The following G2E3 variants were observed in gnomAD, a reference collection of about 807,000 sequenced individuals.
The protein encoded by G2E3 is G2/M phase-specific E3 ubiquitin-protein ligase.
G2E3 carries 35 observed loss-of-function variants against 92.8 expected under a neutral mutation model. The observed-to-expected ratio is 0.38, with a 90% confidence interval of 0.29 to 0.50. The LOEUF (loss-of-function observed/expected upper bound fraction) is 0.50, where lower values mean the gene tolerates loss of function less well. Among genes scored for constraint, G2E3 ranks in the 20% least tolerant of loss-of-function variants. The pLI is 0.94. For missense variants in G2E3, 554 were observed against 823.8 expected, an observed-to-expected ratio of 0.67 and a Z score of 4.01; for synonymous variants, 242 against 272.4, an observed-to-expected ratio of 0.89 and a Z score of 1.10.
In G2E3 at chr14:30,601,866, G is replaced by A. The variant is rs1244350126; in HGVS notation, c.849G>A (p.Leu283=). The change falls in exon 9 of 15, where the codon TTG becomes TTA. Residue 283 remains leucine (L), a synonymous_variant. Coordinates refer to ENST00000206595, the MANE Select transcript of G2E3 (RefSeq NM_017769.5). ...LRSWEQNWEC[L]ECRGIIYNSG... is the part of the protein sequence containing the mutation. ...CATGGGAGCAAAATTGGGAGTGTTT[G>A]GAATGTAGGGGTATTATCTACAATT... 3 of 1,613,524 alleles carry A rather than the reference G, an allele frequency of 1.9e-6. No individual in the cohort carries two copies. The highest frequency in any genetic ancestry group is 1.7e-6 in the Non-Finnish European group (2 of 1,179,560).
At chr14:30,574,656 AC>A (rs2138796167) in intron 1 of G2E3, 1 of 152,256 alleles carries the variant, frequency 6.6e-6, no homozygotes, top group African/African-American at 2.4e-5. Flanking sequence ...GCTCCCACTT[AC>A]AAGTGAGAAC....
rs147778881 is a variant in G2E3, at chr14:30,585,049, T to C, written c.38-1669T>C. On this transcript the variant is annotated intron_variant, in intron 2 of 14. Coordinates refer to ENST00000206595, the MANE Select transcript of G2E3 (RefSeq NM_017769.5). ...TGGGGTTTCACCATGTTGGGCAGGC[T>C]GGTCTCGAACTCCTGACCTTGTGAT... 3.6e-3 allele frequency among the ~76,000 whole-genome samples: 554 copies of C among 152,272 alleles called. 5 individuals are homozygous for C. The highest frequency in any genetic ancestry group is 0.013 in the African/African-American group (521 of 41,556).
chr14:30,595,635 T>G (rs1160326815), intron 6 of G2E3, among the ~76,000 whole-genome samples: 1 of 152,200 alleles, frequency 6.6e-6, no homozygotes, highest in Non-Finnish European at 1.5e-5. Context: ...GCAATTATTA[T>G]TATACTCGAT....
Position 30,589,434 on chromosome 14 carries a change from G to A in G2E3, c.187G>A (p.Gly63Ser). The change falls in exon 4 of 15, where the codon GGT becomes AGT. Residue 63 changes from glycine (G) to serine (S), a missense_variant. By Grantham distance (56) the Gly-to-Ser change is moderately conservative. Around this residue, in one of 3 missense-constraint regions of G2E3, gnomAD observed 137 missense variants for 201.3 expected, o/e 0.68. Coordinates refer to ENST00000206595, the MANE Select transcript of G2E3 (RefSeq NM_017769.5). ...QRGKEEEGVY[G>S]FLIEDIRKEV... is the part of the protein sequence containing the mutation. The stretch of plus-strand genomic sequence containing the variant: ...AGGCAAAGAAGAAGAAGGAGTTTAT[G>A]GTTTTCTAATAGAAGATATCAGGAA... The A allele has an allele frequency of 6.2e-7, 1 of 1,604,980 alleles. No individual in the cohort carries two copies. Among genetic ancestry groups the A allele is most frequent in the Non-Finnish European group, 8.5e-7 (1 of 1,172,504 alleles).
chr14:30,591,616 C>G (rs1023059828), intron 4 of G2E3, among the ~76,000 whole-genome samples: 1 of 152,174 alleles, frequency 6.6e-6, no homozygotes, highest in Non-Finnish European at 1.5e-5. Flanking sequence ...GGCAGCATAA[C>G]TCCAATCTGT....
intron 8 of G2E3, among the ~76,000 whole-genome samples, chr14:30,599,576 G>A (rs1197731003): frequency 1.3e-5 from 2 of 152,064 alleles, no homozygotes; most frequent in South Asian, 4.1e-4. Context: ...ACCTTCTGAT[G>A]TACTAGGACT....
At chr14:30,608,812 T>C (rs1881953545) in intron 12 of G2E3, among the ~76,000 whole-genome samples, 1 of 152,244 alleles carries the variant, frequency 6.6e-6, no homozygotes, top group Non-Finnish European at 1.5e-5. Context: ...CAGTGTTGTT[T>C]AATGATTAAA....
At chr14:30,586,661 G>A in intron 2 of G2E3, 57 bp from the exon 3 acceptor site, 1 of 593,896 alleles carries the variant, frequency 1.7e-6, no homozygotes, top group Non-Finnish European at 2.9e-6. Context: ...CAATTCCATA[G>A]GGTTTTTTTG....
Position 30,604,782 on chromosome 14 carries a change from T to G in G2E3, c.1011-723T>G, listed in dbSNP as rs1881746386. Among the ~76,000 whole-genome samples the G allele has an allele frequency of 2.0e-5, 3 of 152,216 alleles. No homozygotes were observed. The South Asian group carries it at 6.2e-4, about 31-fold the overall frequency. ...AGTAAGGAGAGATTACATTTGCTTTTTTTAAAAAAGGACATAGTAAATGTG... is the reference window on the plus strand; with the variant it reads ...AGTAAGGAGAGATTACATTTGCTTTGTTTAAAAAAGGACATAGTAAATGTG... On this transcript the variant is annotated intron_variant, in intron 10 of 14. Coordinates refer to ENST00000206595, the MANE Select transcript of G2E3 (RefSeq NM_017769.5).
intron 1 of G2E3, among the ~76,000 whole-genome samples, chr14:30,575,517 C>T (rs1880028246): frequency 6.6e-6 from 1 of 152,062 alleles, no homozygotes; most frequent in East Asian, 1.9e-4. Context: ...GAGTCCTAGC[C>T]AGAGCAGTCA....
At chr14:30,567,645 C>G (rs995506120) in intron 1 of G2E3, among the ~76,000 whole-genome samples, 1 of 151,410 alleles carries the variant, frequency 6.6e-6, no homozygotes, top group Non-Finnish European at 1.5e-5. Flanking sequence ...ATTACATTAT[C>G]TGGACTCTAA....
intron 12 of G2E3, among the ~76,000 whole-genome samples, chr14:30,610,342 G>A (rs758679143): frequency 9.2e-5 from 14 of 152,150 alleles, no homozygotes; most frequent in Non-Finnish European, 1.5e-4. Context: ...ATGGCCGGGC[G>A]CAGTGGGTCA....
At chr14:30,564,333 A>G (rs1249630171) in intron 1 of G2E3, among the ~76,000 whole-genome samples, 1 of 152,102 alleles carries the variant, frequency 6.6e-6, no homozygotes, top group East Asian at 1.9e-4. Flanking sequence ...ATTCCCATTT[A>G]TAAAATTAGC....
At chr14:30,579,904 G>T (rs1880332697) in intron 1 of G2E3, among the ~76,000 whole-genome samples, 1 of 152,154 alleles carries the variant, frequency 6.6e-6, no homozygotes, top group Non-Finnish European at 1.5e-5. Context: ...AACATTTCTA[G>T]TAGGCTGTTC....
chr14:30,609,966 A>G (rs1566551572), intron 12 of G2E3, among the ~76,000 whole-genome samples: 3 of 152,118 alleles, frequency 2.0e-5, no homozygotes, highest in Admixed American at 6.5e-5. Context: ...ATGTTGTTCT[A>G]ATATTCTTAT....
intron 3 of G2E3, among the ~76,000 whole-genome samples, chr14:30,587,939 C>G (rs1391735347): frequency 1.3e-5 from 2 of 152,198 alleles, no homozygotes; most frequent in Non-Finnish European, 2.9e-5. Flanking sequence ...GAAGTATCAA[C>G]AAATTGTGGA....
chr14:30,565,458 C>G (rs1879371340), intron 1 of G2E3, among the ~76,000 whole-genome samples: 1 of 151,868 alleles, frequency 6.6e-6, no homozygotes, highest in South Asian at 2.1e-4. Context: ...TGGTAAAGTT[C>G]AATTTATTTT....
chr14:30,568,685 T>C (rs1332887879), intron 1 of G2E3, among the ~76,000 whole-genome samples: 3 of 152,170 alleles, frequency 2.0e-5, no homozygotes, highest in African/African-American at 7.2e-5. Flanking sequence ...TCTGTATATC[T>C]CATCCTTCTT....
chr14:30,608,617 G>T (rs1422362650), intron 12 of G2E3, among the ~76,000 whole-genome samples: 1 of 152,218 alleles, frequency 6.6e-6, no homozygotes, highest in African/African-American at 2.4e-5. Context: ...CATTTATTCA[G>T]CACTTATAAT....
Sources: gnomAD v4.1 joint callset for allele counts (sites outside exome capture counted in the v4.1 genomes callset) on GRCh38, gnomAD v4.1.1 for gene constraint, gnomAD v4.1.1 regional missense constraint, MANE v1.5 for transcripts, NCBI Gene and HGNC (gene_info 2026-07-23, HGNC 2026-07-21) for gene names.